EIF3D: variants seen among roughly 807,000 people sequenced by gnomAD.
EIF3D encodes eIF3 p66.
Under a neutral mutation model 75.4 loss-of-function variants are expected in EIF3D, and 10 were observed. That is an observed-to-expected ratio of 0.13 (90% confidence interval 0.08 to 0.22). The LOEUF (loss-of-function observed/expected upper bound fraction) is 0.22. EIF3D is among the 10% of genes least tolerant of loss of function. The probability of loss-of-function intolerance (pLI) is 1.00; values close to 1 mark genes in which losing one functional copy is unlikely to be tolerated. For synonymous variants in EIF3D, 246 were observed against 248.3 expected (o/e 0.99, Z 0.09); for missense variants, 394 against 708.0 (o/e 0.56, Z 5.03).
intron 12 of EIF3D, chr22:36,516,194 G>A: frequency 3.2e-6 from 1 of 312,212 alleles, no homozygotes; most frequent in Non-Finnish European, 6.0e-6. Flanking sequence ...CAATGGAACA[G>A]AGATGAAGAA....
intron 12 of EIF3D, among the ~76,000 whole-genome samples, chr22:36,514,550 G>A (rs1014610485): frequency 1.4e-4 from 21 of 146,372 alleles, no homozygotes; most frequent in African/African-American, 5.0e-4. Flanking sequence ...GAGGAAGTCA[G>A]AGATCTGAAG....
chr22:36,523,923 G>A lies in EIF3D; in HGVS notation c.364C>T (p.Leu122=). 6.2e-7 allele frequency: 1 copy of A among 1,614,138 alleles called. No homozygotes were observed. Among genetic ancestry groups the A allele is most frequent in the Non-Finnish European group, 8.5e-7 (1 of 1,180,026 alleles). ...TCTTTCTGTTTGGCACTCTTAGGCA[G>A]GATCTGCAGGTTGAACTGCAACATG... ...RNMLQFNLQI[L]PKSAKQKERE... is the part of the protein sequence containing the mutation. The change falls in exon 5 of 15, where the codon CTG becomes TTG. Residue 122 remains leucine, a synonymous_variant. Transcript: ENST00000216190.
rs1224351277 is a variant in EIF3D at position 36,524,610 on chromosome 22, T to C, written c.292A>G (p.Met98Val). The change falls in exon 4 of 15, where the codon ATG (methionine) becomes GTG (valine). Residue 98 changes from methionine (M) to valine (V), a missense_variant. Physicochemically the swap from Met to Val is conservative, Grantham distance 21. Transcript: ENST00000216190. ...TQKTAYQRNR[M>V]RFAQRNLRRD... ...TCTTGGCCTACCTGGGCAAATCTCA[T>C]TCGATTCCGCTGGTAGGCCGTCTTC... is the stretch of plus-strand genomic sequence containing the variant. 17 of 1,614,066 alleles carry C rather than the reference T, an allele frequency of 1.1e-5. No homozygotes were observed. The highest frequency in any genetic ancestry group is 4.5e-5 in the East Asian group (2 of 44,902).
intron 8 of EIF3D, 121 bp from the exon 9 acceptor site, chr22:36,519,031 C>T: frequency 7.5e-7 from 1 of 1,341,350 alleles, no homozygotes; most frequent in South Asian, 1.5e-5. Flanking sequence ...GGCCCCACCT[C>T]ATTGACCAAA....
intron 1 of EIF3D, among the ~76,000 whole-genome samples, chr22:36,526,577 C>T (rs1934604988): frequency 6.6e-6 from 1 of 151,874 alleles, no homozygotes. Flanking sequence ...CATACAAACT[C>T]AACTTCCCTA....
In EIF3D at chr22:36,517,390, C is replaced by T. The variant is rs1172681733; in HGVS notation, c.901G>A (p.Asp301Asn). The T allele has an allele frequency of 6.2e-7, 1 of 1,613,574 alleles. No homozygotes were observed. Among genetic ancestry groups the T allele is most frequent in the East Asian group, 2.2e-5 (1 of 44,878 alleles). ...VSETANEPPQ[D>N]EGNSFNSPRN... Reference sequence around the variant, plus strand: ...GGTGAATTGAAGGAATTACCTTCATCTTGAGGGGGCTCATTGGCAGTCTCA... The same window carrying T: ...GGTGAATTGAAGGAATTACCTTCATTTTGAGGGGGCTCATTGGCAGTCTCA... The change falls in exon 10 of 15, where the codon GAT becomes AAT. Residue 301 changes from aspartate (D) to asparagine (N), a missense_variant. Asp to Asn is a conservative substitution (Grantham distance 23). Coordinates refer to ENST00000216190, the MANE Select transcript of EIF3D (RefSeq NM_003753.4).
intron 14 of EIF3D, 60 bp downstream of exon 14, chr22:36,511,443 G>A: frequency 6.3e-7 from 1 of 1,594,034 alleles, no homozygotes; most frequent in African/African-American, 1.3e-5. Flanking sequence ...TGGCTACAGA[G>A]CTTGCTCCCG....
At chr22:36,512,075 T>C (rs980392142) in intron 13 of EIF3D, among the ~76,000 whole-genome samples, 1 of 152,088 alleles carries the variant, frequency 6.6e-6, no homozygotes, top group East Asian at 1.9e-4. Context: ...TATTTTTAGT[T>C]GAGACAGGGT....
At chr22:36,511,262 C>T (rs1031827398) in intron 14 of EIF3D, 19 of 859,010 alleles carry the variant, frequency 2.2e-5, no homozygotes, top group Non-Finnish European at 2.9e-5. Context: ...CTTCCCTCAT[C>T]TTCCTCTACC....
At chr22:36,521,189 G>C (rs999793543) in intron 6 of EIF3D, among the ~76,000 whole-genome samples, 1 of 152,220 alleles carries the variant, frequency 6.6e-6, no homozygotes, top group African/African-American at 2.4e-5. Context: ...GACAGAGCAA[G>C]ACTGCGTCTC....
At position 36,511,537 on chromosome 22, in the gene EIF3D, CTCA is replaced by C; in HGVS notation, c.1596_1598del (p.Asp532del). 3 of 1,613,882 alleles carry C rather than the reference CTCA, an allele frequency of 1.9e-6. No homozygotes were observed. Among genetic ancestry groups the C allele is most frequent in the South Asian group, 1.1e-5 (1 of 91,056 alleles). On this transcript the variant is annotated inframe_deletion, in exon 14 of 15. Coordinates refer to ENST00000216190, the MANE Select transcript of EIF3D (RefSeq NM_003753.4). The stretch of plus-strand genomic sequence containing the variant: ...CCTCTTCTTCCTCCTCCTCTTCCTC[CTCA>C]TCTTCATCAGAGCTGAAGGTGCCAT...
chr22:36,518,972 A>G (rs8184959), intron 8 of EIF3D, 62 bp from the exon 9 acceptor site: 1 of 1,590,236 alleles, frequency 6.3e-7, no homozygotes, highest in Non-Finnish European at 8.6e-7. Context: ...GCCCACTCAC[A>G]TGGATGGGAA....
rs1432654830 is a variant in EIF3D, at chr22:36,516,574, G to A, written c.1110C>T (p.Asp370=). The A allele has an allele frequency of 6.2e-7, 1 of 1,614,096 alleles. No individual in the cohort carries two copies. Among genetic ancestry groups the A allele is most frequent in the Non-Finnish European group, 8.5e-7 (1 of 1,180,002 alleles). Reference sequence around the variant, plus strand: ...CATCGTGCTCACAACGGACAATAAGGTCAATATCATCTCCAAGCTTCCACC... The same window carrying A: ...CATCGTGCTCACAACGGACAATAAGATCAATATCATCTCCAAGCTTCCACC... The part of the protein sequence containing the change: ...YRRWKLGDDI[D]LIVRCEHDGV... Residue 370 remains aspartate (D), a synonymous_variant, in exon 12 of 15, where the codon GAC becomes GAT. Coordinates refer to ENST00000216190, the MANE Select transcript of EIF3D (RefSeq NM_003753.4).
intron 14 of EIF3D, chr22:36,511,297 T>C: frequency 1.8e-6 from 2 of 1,089,484 alleles, no homozygotes; most frequent in Non-Finnish European, 2.6e-6. Flanking sequence ...GCCGCTTCTC[T>C]AAAACACCGC....
chr22:36,521,086 G>A (rs1934504981), intron 6 of EIF3D, among the ~76,000 whole-genome samples: 1 of 152,158 alleles, frequency 6.6e-6, no homozygotes, highest in African/African-American at 2.4e-5. Flanking sequence ...TGTAATCCCA[G>A]CTACTCGGGA....
chr22:36,519,388 C>T lies in EIF3D; in HGVS notation c.711+17G>A. The T allele has an allele frequency of 6.2e-7, 1 of 1,613,780 alleles. No homozygotes were observed. Among genetic ancestry groups the T allele is most frequent in the Non-Finnish European group, 8.5e-7 (1 of 1,179,818 alleles). On this transcript the variant is annotated intron_variant, in intron 8 of 14. Transcript: ENST00000216190. Reference sequence around the variant, plus strand: ...GCATTCCTAACAAGGGGGAGAGGGGCAGAAGGAGGCGCACACCTTGCGGAT... The same window carrying T: ...GCATTCCTAACAAGGGGGAGAGGGGTAGAAGGAGGCGCACACCTTGCGGAT...
chr22:36,519,773 G>A (rs576868751), intron 7 of EIF3D, among the ~76,000 whole-genome samples: 93 of 152,278 alleles, frequency 6.1e-4, no homozygotes, highest in African/African-American at 2.1e-3. Flanking sequence ...TAAAGGTAGG[G>A]TGACCGAGGC....
intron 12 of EIF3D, 124 bp downstream of exon 12, chr22:36,516,354 C>T: frequency 8.1e-7 from 1 of 1,234,252 alleles, no homozygotes; most frequent in Non-Finnish European, 1.1e-6. Context: ...AAAAAACATC[C>T]AGGTAGCTCT....
At chr22:36,529,037 T>C in intron 1 of EIF3D, 39 bp downstream of exon 1, 1 of 372,972 alleles carries the variant, frequency 2.7e-6, no homozygotes, top group Non-Finnish European at 4.8e-6. Flanking sequence ...CCGAACCGGC[T>C]CCGGAGGGCC....
Sources: gnomAD v4.1 joint callset for allele counts (sites outside exome capture counted in the v4.1 genomes callset) on GRCh38, gnomAD v4.1.1 for gene constraint, MANE v1.5 for transcripts, NCBI Gene and HGNC (gene_info 2026-07-23, HGNC 2026-07-21) for gene names.